GALNT17: variants seen among roughly 807,000 people sequenced by gnomAD.
GALNT17 encodes the protein UDP-GalNAc:polypeptide N-acetylgalactosaminyltransferase-like 3.
GALNT17 carries 29 observed loss-of-function variants against 63.7 expected under a neutral mutation model. The ratio of observed to expected loss-of-function variants is 0.46; its 90% confidence interval spans 0.34 to 0.62. The LOEUF is 0.62. GALNT17 is among the 20% of genes least tolerant of loss of function. The pLI, the probability that GALNT17 is intolerant of heterozygous loss-of-function variation, is 0.01. For synonymous variants in GALNT17, 305 were observed against 318.3 expected (o/e 0.96, Z 0.45); for missense variants, 603 against 799.6 (o/e 0.75, Z 2.97).
chr7:71,671,058 G>A (rs1264381984), intron 8 of GALNT17, among the ~76,000 whole-genome samples: 1 of 151,824 alleles, frequency 6.6e-6, no homozygotes, highest in East Asian at 1.9e-4. Context: ...TTTTTTGTCA[G>A]TAATTAATGG....
At chr7:71,143,070 C>T (rs1787946384) in intron 1 of GALNT17, among the ~76,000 whole-genome samples, 2 of 151,948 alleles carry the variant, frequency 1.3e-5, no homozygotes. Flanking sequence ...CATGCATGCA[C>T]GATAGGTGCG....
chr7:71,141,134 C>T (rs1040807979), intron 1 of GALNT17, among the ~76,000 whole-genome samples: 1 of 151,798 alleles, frequency 6.6e-6, no homozygotes, highest in Non-Finnish European at 1.5e-5. Context: ...TTTGGGAGGC[C>T]GGGGCAGGTG....
At position 71,643,852 on chromosome 7, in the gene GALNT17, C is replaced by T. The variant is rs986291018; in HGVS notation, c.1081-21559C>T. On this transcript the variant is annotated intron_variant, in intron 6 of 10. Coordinates refer to ENST00000333538, the MANE Select transcript of GALNT17 (RefSeq NM_022479.3). The stretch of plus-strand genomic sequence containing the variant: ...TTAAAAGACCATTTCCCTTTATCAA[C>T]TCCACAGCTGGCTACCATTCCAGTA... Among the ~76,000 whole-genome samples the T allele has an allele frequency of 3.8e-4, 58 of 152,334 alleles. 2 individuals are homozygous for T. Among genetic ancestry groups the T allele is most frequent in the Middle Eastern group, 3.4e-3 (1 of 294 alleles).
intron 6 of GALNT17, among the ~76,000 whole-genome samples, chr7:71,597,966 A>G (rs1013483780): frequency 1.1e-4 from 16 of 147,972 alleles, no homozygotes; most frequent in African/African-American, 4.0e-4. Context: ...TTTTTTTGAG[A>G]CGGAGTCTCA....
chr7:71,669,953 G>T lies in GALNT17; in HGVS notation c.1267-19G>T. 1.2e-6 allele frequency: 2 copies of T among 1,613,680 alleles called. No homozygotes were observed. The highest frequency in any genetic ancestry group is 4.5e-5 in the East Asian group (2 of 44,848). On this transcript the variant is annotated intron_variant, in intron 7 of 10. Transcript: ENST00000333538. Reference sequence around the variant, plus strand: ...AGCTCCACAGTCACTAACACCCCTTGGCTTCTCTCTCCTTTCAGAATCCGG... The same window carrying T: ...AGCTCCACAGTCACTAACACCCCTTTGCTTCTCTCTCCTTTCAGAATCCGG...
chr7:71,413,196 G>T (rs73362101), intron 3 of GALNT17, among the ~76,000 whole-genome samples: 1 of 152,054 alleles, frequency 6.6e-6, no homozygotes, highest in South Asian at 2.1e-4. Flanking sequence ...GAGAGCTCAC[G>T]TCCAGATCTG....
At chr7:71,618,850 G>T (rs915187586) in intron 6 of GALNT17, among the ~76,000 whole-genome samples, 24 of 152,068 alleles carry the variant, frequency 1.6e-4, no homozygotes, top group African/African-American at 5.6e-4. Context: ...TTTTGTTACA[G>T]TTGCTTTTGG....
At chr7:71,383,524 G>A (rs1019971896) in intron 2 of GALNT17, among the ~76,000 whole-genome samples, 17 of 152,076 alleles carry the variant, frequency 1.1e-4, no homozygotes, top group Non-Finnish European at 4.4e-5. Flanking sequence ...CTGTAACCCT[G>A]AAGTCCTGGC....
intron 1 of GALNT17, among the ~76,000 whole-genome samples, chr7:71,148,860 T>TTATTTATATA (rs1554333241): frequency 9.7e-6 from 1 of 103,270 alleles, no homozygotes; most frequent in African/African-American, 3.9e-5. Flanking sequence ...TATGGTATTT[T>TTATTTATATA]TATATATATA....
chr7:71,548,000 G>A (rs546622177), intron 5 of GALNT17, among the ~76,000 whole-genome samples: 255 of 152,152 alleles, frequency 1.7e-3, no homozygotes, highest in Non-Finnish European at 3.1e-3. Flanking sequence ...GGGCAAGGCG[G>A]GTGGATTGCT....
intron 1 of GALNT17, among the ~76,000 whole-genome samples, chr7:71,196,882 G>A (rs1184866208): frequency 2.6e-5 from 4 of 152,032 alleles, no homozygotes; most frequent in Non-Finnish European, 5.9e-5. Context: ...TCAAACTCCT[G>A]ACCTCAAGTG....
intron 9 of GALNT17, among the ~76,000 whole-genome samples, chr7:71,709,955 ACC>A (rs1230981246): frequency 6.6e-6 from 1 of 152,044 alleles, no homozygotes; most frequent in African/African-American, 2.4e-5. Context: ...TTCTTTTCAT[ACC>A]TATGAGGTTG....
At chr7:71,390,144 T>C (rs1793023595) in intron 3 of GALNT17, among the ~76,000 whole-genome samples, 1 of 152,126 alleles carries the variant, frequency 6.6e-6, no homozygotes, top group South Asian at 2.1e-4. Flanking sequence ...AACTACAGGA[T>C]TAGGAGTAGG....
intron 1 of GALNT17, among the ~76,000 whole-genome samples, chr7:71,195,917 G>A (rs1014431652): frequency 6.6e-6 from 1 of 151,824 alleles, no homozygotes; most frequent in Non-Finnish European, 1.5e-5. Context: ...TGACACTTAT[G>A]ACCAGCCCCC....
chr7:71,500,019 G>T (rs958719151), intron 5 of GALNT17, among the ~76,000 whole-genome samples: 2 of 152,154 alleles, frequency 1.3e-5, no homozygotes, highest in Admixed American at 6.5e-5. Context: ...TACCATCATT[G>T]TAAGTTTCCT....
intron 9 of GALNT17, among the ~76,000 whole-genome samples, chr7:71,707,030 T>C (rs1791729952): frequency 6.6e-6 from 1 of 152,228 alleles, no homozygotes; most frequent in African/African-American, 2.4e-5. Context: ...CCCAGCCAGG[T>C]GACCAGATGT....
intron 1 of GALNT17, among the ~76,000 whole-genome samples, chr7:71,248,474 C>T (rs914506859): frequency 2.0e-5 from 3 of 151,996 alleles, no homozygotes; most frequent in African/African-American, 2.4e-5. Flanking sequence ...AACTGTACTG[C>T]GACTTATATA....
At chr7:71,168,761 T>G (rs1037395057) in intron 1 of GALNT17, among the ~76,000 whole-genome samples, 1 of 151,726 alleles carries the variant, frequency 6.6e-6, no homozygotes, top group African/African-American at 2.4e-5. Context: ...ATCTACTCTC[T>G]TAGCAAGTTT....
chr7:71,569,264 C>G (rs1789398326), intron 5 of GALNT17, among the ~76,000 whole-genome samples: 1 of 152,032 alleles, frequency 6.6e-6, no homozygotes, highest in Non-Finnish European at 1.5e-5. Flanking sequence ...GTCATCGTGC[C>G]CGGCTCTAAC....
Sources: allele counts gnomAD v4.1 joint callset (sites outside exome capture counted in the v4.1 genomes callset), GRCh38; gene constraint gnomAD v4.1.1; transcripts MANE v1.5; gene names NCBI Gene and HGNC (gene_info 2026-07-23, HGNC 2026-07-21).